Variants in WASF2 observed in about 807,000 individuals in gnomAD.
WASF2 encodes the protein WASP family member 2.
Under a neutral mutation model 45.0 loss-of-function variants are expected in WASF2, and 14 were observed. That is an observed-to-expected ratio of 0.31 (90% CI 0.21 to 0.49). WASF2 has a LOEUF of 0.49. Among genes scored for constraint, WASF2 ranks in the 20% least tolerant of loss-of-function variants. WASF2 has a pLI of 0.99. For missense variants in WASF2, 439 were observed against 636.1 expected, an observed-to-expected ratio of 0.69 and a Z score of 3.33; for synonymous variants, 200 against 236.3, an observed-to-expected ratio of 0.85 and a Z score of 1.41.
intron 1 of WASF2, among the ~76,000 whole-genome samples, chr1:27,437,625 C>G (rs1451258416): frequency 1.3e-5 from 2 of 152,108 alleles, no homozygotes; most frequent in Admixed American, 6.6e-5. Context: ...TTTTACTTTC[C>G]CAATCTAATG....
At chr1:27,487,285 G>C (rs1487617080) in intron 1 of WASF2, among the ~76,000 whole-genome samples, 7 of 144,838 alleles carry the variant, frequency 4.8e-5, no homozygotes, top group African/African-American at 1.8e-4. Flanking sequence ...ATTTTTAATA[G>C]AGACGTAGTT....
chr1:27,479,990 C>T (rs892607669), intron 1 of WASF2, among the ~76,000 whole-genome samples: 8 of 152,164 alleles, frequency 5.3e-5, no homozygotes, highest in Admixed American at 2.0e-4. Flanking sequence ...GCTGAAGGAA[C>T]TTTAAAAGTA....
chr1:27,415,029 C>T, intron 5 of WASF2, 66 bp from the exon 6 acceptor site: 1 of 1,580,092 alleles, frequency 6.3e-7, no homozygotes. Context: ...AAAATTCTAC[C>T]CATCTTCATG....
chr1:27,416,211 A>G (rs925533028), intron 4 of WASF2, 109 bp from the exon 5 acceptor site: 40 of 902,354 alleles, frequency 4.4e-5, no homozygotes, highest in Middle Eastern at 2.2e-4. Flanking sequence ...AGGAATCAAG[A>G]AGTCATTTGA....
chr1:27,456,797 C>T (rs1198409544), intron 1 of WASF2, among the ~76,000 whole-genome samples: 5 of 147,074 alleles, frequency 3.4e-5, no homozygotes, highest in South Asian at 2.1e-4. Flanking sequence ...TGCAATGGTG[C>T]GATCTCAGCT....
chr1:27,425,981 A>C (rs1008597640), intron 2 of WASF2, among the ~76,000 whole-genome samples: 2 of 152,094 alleles, frequency 1.3e-5, no homozygotes, highest in African/African-American at 4.8e-5. Context: ...TCGCCATTGC[A>C]CTCCAGCCTA....
At chr1:27,486,065 T>G (rs2017919327) in intron 1 of WASF2, among the ~76,000 whole-genome samples, 2 of 152,142 alleles carry the variant, frequency 1.3e-5, no homozygotes, top group Admixed American at 1.3e-4. Context: ...ATCTGCAAAA[T>G]GCAAAGGCTG....
intron 1 of WASF2, among the ~76,000 whole-genome samples, chr1:27,444,232 AC>A (rs2017284120): frequency 6.6e-6 from 1 of 152,108 alleles, no homozygotes; most frequent in Non-Finnish European, 1.5e-5. Flanking sequence ...AGCGTGCAGC[AC>A]CATGCTCAGC....
At chr1:27,445,320 TCACA>T (rs943502925) in intron 1 of WASF2, among the ~76,000 whole-genome samples, 3 of 152,182 alleles carry the variant, frequency 2.0e-5, no homozygotes, top group African/African-American at 7.2e-5. Context: ...TTTATGAAAG[TCACA>T]CAGACAGACA....
chr1:27,411,171 G>A (rs959065005), intron 7 of WASF2, among the ~76,000 whole-genome samples: 1 of 152,204 alleles, frequency 6.6e-6, no homozygotes, highest in African/African-American at 2.4e-5. Flanking sequence ...GTCTCCATCC[G>A]AGGGGTCCTC....
intron 2 of WASF2, 139 bp downstream of exon 2, chr1:27,428,622 G>A: frequency 1.6e-6 from 2 of 1,265,266 alleles, no homozygotes. Flanking sequence ...CTCTCTTTGG[G>A]GAGGAGAGGG....
In WASF2 at chr1:27,406,010, TC is replaced by T. The variant is rs966890067; in HGVS notation, c.*2178del. 6 of 152,530 alleles carry T rather than the reference TC, an allele frequency of 3.9e-5. No homozygotes were observed. Among genetic ancestry groups the T allele is most frequent in the African/African-American group, 1.5e-4 (6 of 41,368 alleles). 9.4% of individuals were successfully genotyped at this position (152,530 alleles called of 1,614,324 possible). ...TCAGAGCAGAATGACAGTGAGTGGC[TC>T]TAGCTCTCCCTTTTCCGGGCAAGGA... is the stretch of plus-strand genomic sequence containing the variant. On this transcript the variant is annotated 3_prime_UTR_variant, in exon 9 of 9. Transcript: ENST00000618852.
At chr1:27,421,217 C>T (rs899792430) in intron 2 of WASF2, among the ~76,000 whole-genome samples, 5 of 152,202 alleles carry the variant, frequency 3.3e-5, no homozygotes, top group Admixed American at 2.0e-4. Context: ...TTCTACTCTG[C>T]AGGTTGAGGA....
In WASF2 at chr1:27,408,074, C is replaced by T; in HGVS notation, c.*115G>A. On this transcript the variant is annotated 3_prime_UTR_variant, in exon 9 of 9. Coordinates refer to ENST00000618852, the MANE Select transcript of WASF2 (RefSeq NM_006990.5). ...TTGGTTGCTTCAGGGAAAGCTTTGG[C>T]CCCTTAAAATTACTTTTTTCCTCCC... 3.1e-6 allele frequency: 4 copies of T among 1,278,322 alleles called. No homozygotes were observed. Among genetic ancestry groups the T allele is most frequent in the Non-Finnish European group, 4.3e-6 (4 of 933,852 alleles). 79.2% of individuals were successfully genotyped at this position (1,278,322 alleles called of 1,614,324 possible). A position where few individuals can be genotyped will look rare whatever the true frequency, so the allele number is the denominator to read the frequency against.
chr1:27,412,457 C>T (rs1443246815), intron 7 of WASF2, 115 bp downstream of exon 7: 18 of 1,407,140 alleles, frequency 1.3e-5, no homozygotes, highest in African/African-American at 5.7e-5. Flanking sequence ...ATCCTCCCAC[C>T]ACCTTGGCCT....
chr1:27,408,097 C>T lies in WASF2; in HGVS notation c.*92G>A. The T allele has an allele frequency of 2.7e-6, 4 of 1,473,112 alleles. No homozygotes were observed. Among genetic ancestry groups the T allele is most frequent in the Admixed American group, 2.3e-5 (1 of 43,332 alleles). 91.3% of individuals were successfully genotyped at this position (1,473,112 alleles called of 1,614,324 possible). ...GGCCCCTTAAAATTACTTTTTTCCT[C>T]CCTTTTCTCCCCCTACGGGTCTGTT... is the stretch of plus-strand genomic sequence containing the variant. On this transcript the variant is annotated 3_prime_UTR_variant, in exon 9 of 9. Coordinates refer to ENST00000618852, the MANE Select transcript of WASF2 (RefSeq NM_006990.5).
chr1:27,471,508 GT>G (rs2017688639), intron 1 of WASF2, among the ~76,000 whole-genome samples: 1 of 151,922 alleles, frequency 6.6e-6, no homozygotes, highest in African/African-American at 2.4e-5. Context: ...TACATCTGTG[GT>G]CCCAGCTACT....
intron 1 of WASF2, among the ~76,000 whole-genome samples, chr1:27,467,896 A>T (rs912266680): frequency 1.9e-4 from 29 of 151,548 alleles, no homozygotes; most frequent in Admixed American, 1.8e-3. Flanking sequence ...TGGGTGACAG[A>T]GCAATTTCCT....
intron 1 of WASF2, among the ~76,000 whole-genome samples, chr1:27,477,593 A>T (rs1350050853): frequency 6.6e-6 from 1 of 150,460 alleles, no homozygotes. Flanking sequence ...TGTAACTTCA[A>T]AGAGATTTTA....
Sources: allele counts gnomAD v4.1 joint callset (sites outside exome capture counted in the v4.1 genomes callset), GRCh38; gene constraint gnomAD v4.1.1; transcripts MANE v1.5; gene names NCBI Gene and HGNC (gene_info 2026-07-23, HGNC 2026-07-21).